The following CHAF1A variants were observed in gnomAD, a reference collection of about 807,000 sequenced individuals.
CHAF1A encodes the protein chromatin assembly factor 1 subunit A.
CHAF1A carries 5 observed loss-of-function variants against 93.2 expected under a neutral mutation model. That is an observed-to-expected ratio of 0.05 (90% CI 0.03 to 0.11). The LOEUF is 0.11. Among genes scored for constraint, CHAF1A ranks in the 10% least tolerant of loss-of-function variants. The pLI is 1.00. For missense variants in CHAF1A, 1,102 were observed against 1,259.9 expected, an observed-to-expected ratio of 0.87 and a Z score of 1.90; for synonymous variants, 504 against 510.3, an observed-to-expected ratio of 0.99 and a Z score of 0.17.
chr19:4,410,985 T>C (rs1485515888), intron 3 of CHAF1A, among the ~76,000 whole-genome samples: 1 of 152,212 alleles, frequency 6.6e-6, no homozygotes, highest in East Asian at 1.9e-4. Context: ...CCACGGTGTT[T>C]AGTGGTGTCT....
chr19:4,418,895 G>A (rs1402824735), intron 4 of CHAF1A, among the ~76,000 whole-genome samples: 2 of 151,618 alleles, frequency 1.3e-5, no homozygotes, highest in Admixed American at 6.6e-5. Context: ...ACGGAGTCTT[G>A]CTCTGTCACC....
At chr19:4,443,797 A>G (rs1171014735), downstream of CHAF1A, among the ~76,000 whole-genome samples, 2 of 152,156 alleles carry the variant, frequency 1.3e-5, no homozygotes, top group Non-Finnish European at 2.9e-5. Context: ...CCCCAGGTTG[A>G]GTGGGCTTTA....
At chr19:4,413,588 T>C (rs1973846648) in intron 3 of CHAF1A, among the ~76,000 whole-genome samples, 1 of 152,222 alleles carries the variant, frequency 6.6e-6, no homozygotes, top group Non-Finnish European at 1.5e-5. Context: ...CTTCCTTGAG[T>C]TGGTACAGTG....
intron 3 of CHAF1A, among the ~76,000 whole-genome samples, chr19:4,415,439 A>G (rs1235092581): frequency 1.3e-5 from 2 of 152,146 alleles, no homozygotes; most frequent in Non-Finnish European, 1.5e-5. Flanking sequence ...GGGCAAGACT[A>G]AGGAACTGAA....
At position 4,412,731 on chromosome 19, in the gene CHAF1A, C is replaced by T. The variant is rs115615746; in HGVS notation, c.960+2972C>T. On this transcript the variant is annotated intron_variant, in intron 3 of 14. Coordinates refer to ENST00000301280, the MANE Select transcript of CHAF1A (RefSeq NM_005483.3). The stretch of plus-strand genomic sequence containing the variant: ...CATTTAGGAAACCCTGCATTTAGGA[C>T]GCTAGATCTTGTTCTGAACACAGAC... Among the ~76,000 whole-genome samples the T allele has an allele frequency of 4.2e-3, 633 of 152,316 alleles. 3 individuals are homozygous for T. The highest frequency in any genetic ancestry group is 0.015 in the African/African-American group (607 of 41,572).
At position 4,428,587 on chromosome 19, in the gene CHAF1A, C is replaced by A. The variant is rs942434753; in HGVS notation, c.1378-77C>A. The A allele has an allele frequency of 2.6e-5, 33 of 1,277,806 alleles. No individual in the cohort carries two copies. In the African/African-American group the frequency reaches 3.7e-4, roughly 14 times the overall value. The allele number at this position is 1,277,806 out of a possible 1,614,324, so 79.2% of individuals were successfully genotyped here. A position where few individuals can be genotyped will look rare whatever the true frequency, so the allele number is the denominator to read the frequency against. Reference sequence around the variant, plus strand: ...CCTTAGCCTGGATGAATCCCACCAGCACCCTGCTGTGTGCGTCCATGGTGC... The same window carrying A: ...CCTTAGCCTGGATGAATCCCACCAGAACCCTGCTGTGTGCGTCCATGGTGC... On this transcript the variant is annotated intron_variant, in intron 7 of 14. Transcript: ENST00000301280.
intron 13 of CHAF1A, among the ~76,000 whole-genome samples, chr19:4,435,731 G>C (rs1223872026): frequency 6.6e-6 from 1 of 152,126 alleles, no homozygotes; most frequent in Non-Finnish European, 1.5e-5. Flanking sequence ...GTGAACCTTG[G>C]GCTTTCCTTC....
At chr19:4,417,457 CTTTTTTTTT>C in intron 3 of CHAF1A, among the ~76,000 whole-genome samples, 1 of 103,102 alleles carries the variant, frequency 9.7e-6, no homozygotes, top group East Asian at 3.3e-4. Flanking sequence ...CCAGCTGTCG[CTTTTTTTTT>C]TTTTTTTTTT....
chr19:4,436,890 C>T (rs1422211909), intron 13 of CHAF1A, among the ~76,000 whole-genome samples: 1 of 152,242 alleles, frequency 6.6e-6, no homozygotes, highest in Non-Finnish European at 1.5e-5. Context: ...CCCATGTGCC[C>T]AGCACCACAT....
intron 5 of CHAF1A, among the ~76,000 whole-genome samples, chr19:4,423,108 G>A (rs1394299248): frequency 6.6e-6 from 1 of 152,176 alleles, no homozygotes; most frequent in Admixed American, 6.5e-5. Context: ...ATTGTGCTCT[G>A]ACTGGCTAAA....
At chr19:4,432,722 T>C (rs1974208117) in intron 12 of CHAF1A, among the ~76,000 whole-genome samples, 1 of 148,384 alleles carries the variant, frequency 6.7e-6, no homozygotes, top group Non-Finnish European at 1.5e-5. Flanking sequence ...ATCCTGCCAC[T>C]GCACTCCAGC....
chr19:4,443,752 G>C (rs117557792), downstream of CHAF1A, among the ~76,000 whole-genome samples: 3 of 152,124 alleles, frequency 2.0e-5, no homozygotes, highest in Admixed American at 6.5e-5. Flanking sequence ...TGCATCTTTT[G>C]CGAGTGCTGG....
At chr19:4,419,481 G>A (rs1463887795) in intron 4 of CHAF1A, among the ~76,000 whole-genome samples, 1 of 151,946 alleles carries the variant, frequency 6.6e-6, no homozygotes, top group Non-Finnish European at 1.5e-5. Context: ...CCAGGCTGGA[G>A]TGTAGTGGTG....
chr19:4,445,415 C>T (rs1974485090), downstream of CHAF1A: 1 of 1,586,116 alleles, frequency 6.3e-7, no homozygotes, highest in Non-Finnish European at 8.6e-7. Flanking sequence ...CCAGAGGTGG[C>T]TTGGAGGCCC....
intron 3 of CHAF1A, among the ~76,000 whole-genome samples, chr19:4,414,050 G>A (rs1973855905): frequency 6.6e-6 from 1 of 152,166 alleles, no homozygotes; most frequent in Non-Finnish European, 1.5e-5. Context: ...TGCCCAGATT[G>A]CTGGAACTTC....
At chr19:4,416,069 C>G (rs2075664190) in intron 3 of CHAF1A, among the ~76,000 whole-genome samples, 1 of 152,048 alleles carries the variant, frequency 6.6e-6, no homozygotes, top group Non-Finnish European at 1.5e-5. Flanking sequence ...AGCTACTGGG[C>G]AGACTGAGGC....
At position 4,433,643 on chromosome 19, in the gene CHAF1A, C is replaced by T. The variant is rs1057094626; in HGVS notation, c.2673+104C>T. 33 of 937,906 alleles carry T rather than the reference C, an allele frequency of 3.5e-5. No homozygotes were observed. In the Admixed American group the frequency reaches 9.3e-4, roughly 26 times the overall value. 58.1% of individuals were successfully genotyped at this position (937,906 alleles called of 1,614,324 possible). A position where few individuals can be genotyped will look rare whatever the true frequency, so the allele number is the denominator to read the frequency against. ...CGAGATGGAGTCCTGCTCTGTCACC[C>T]AGGCTGGAGTGCAGTGGCGCAATCT... is the stretch of plus-strand genomic sequence containing the variant. On this transcript the variant is annotated intron_variant, in intron 13 of 14. Transcript: ENST00000301280. The surrounding 1 kb of genome is among the most constrained non-coding windows in gnomAD (Gnocchi z 5.6).
Position 4,433,413 on chromosome 19 carries a change from C to A in CHAF1A, c.2547C>A (p.Pro849=), listed in dbSNP as rs766126613. Residue 849 remains proline (P), a synonymous_variant, in exon 13 of 15, where the codon CCC becomes CCA. Coordinates refer to ENST00000301280, the MANE Select transcript of CHAF1A (RefSeq NM_005483.3). This position sits in a 1 kb window ranked among gnomAD's most constrained non-coding sequence, Gnocchi z 5.6. ...ATGTGACATCGGTGCCCTCGGCCCC[C>A]AAAGAGGACAGTGGCAGCGTCCCCT... ...WSYVTSVPSA[P]KEDSGSVPST... 3.1e-6 allele frequency: 5 copies of A among 1,612,338 alleles called. No individual in the cohort carries two copies. The highest frequency in any genetic ancestry group is 4.2e-6 in the Non-Finnish European group (5 of 1,178,764).
At chr19:4,431,883 T>A (rs1406988048) in intron 11 of CHAF1A, 69 bp from the exon 12 acceptor site, 1 of 1,531,648 alleles carries the variant, frequency 6.5e-7, no homozygotes. Context: ...GGGGACTGGT[T>A]CCTCAAAAGA....
Sources: allele counts gnomAD v4.1 joint callset (sites outside exome capture counted in the v4.1 genomes callset), GRCh38; gene constraint gnomAD v4.1.1; non-coding constraint Gnocchi (gnomAD v3.1); transcripts MANE v1.5; gene names NCBI Gene and HGNC (gene_info 2026-07-23, HGNC 2026-07-21).